WDFY3: variants seen among roughly 807,000 people sequenced by gnomAD.
The protein encoded by WDFY3 is WD repeat and FYVE domain containing 3, also known as WD repeat and FYVE domain-containing protein 3.
A neutral mutation model predicts 409.6 loss-of-function variants in WDFY3; 66 were observed. The ratio of observed to expected loss-of-function variants is 0.16; its 90% CI spans 0.13 to 0.20. The LOEUF (loss-of-function observed/expected upper bound fraction) is 0.20. WDFY3 is among the 10% of genes least tolerant of loss of function. WDFY3 has a pLI of 1.00. For missense variants in WDFY3, 3,031 were observed against 4,298.1 expected (o/e 0.71, Z 8.24); for synonymous variants, 1,521 against 1,537.1 (o/e 0.99, Z 0.25).
chr4:84,770,055 GTC>G (rs1026455624), intron 30 of WDFY3, among the ~76,000 whole-genome samples: 3 of 150,888 alleles, frequency 2.0e-5, no homozygotes, highest in Non-Finnish European at 4.4e-5. Flanking sequence ...TTGAGACGGA[GTC>G]TCACTCTGTC....
intron 2 of WDFY3, among the ~76,000 whole-genome samples, chr4:84,904,556 TAAG>T (rs1158028980): frequency 2.0e-5 from 3 of 152,140 alleles, no homozygotes; most frequent in East Asian, 1.9e-4. Context: ...AATAAATAAA[TAAG>T]AAAGCACGTT....
chr4:84,870,361 G>A (rs1301036583), intron 3 of WDFY3, among the ~76,000 whole-genome samples: 2 of 152,104 alleles, frequency 1.3e-5, no homozygotes, highest in Non-Finnish European at 2.9e-5. Context: ...CAGAAATCCA[G>A]AGTCACAGGT....
intron 64 of WDFY3, 121 bp downstream of exon 64, chr4:84,682,253 T>C (rs1360027390): frequency 5.0e-6 from 4 of 806,436 alleles, no homozygotes; most frequent in Admixed American, 2.8e-5. Context: ...GCAGCAACCA[T>C]GCTTCTCCAA....
At chr4:84,818,122 TAC>T (rs1414421798) in intron 12 of WDFY3, among the ~76,000 whole-genome samples, 1 of 152,180 alleles carries the variant, frequency 6.6e-6, no homozygotes, top group Non-Finnish European at 1.5e-5. Context: ...CCAAAGCCTT[TAC>T]ACAGATTGAC....
In WDFY3 at chr4:84,715,285, G is replaced by A. The variant is rs772424668; in HGVS notation, c.7961+13C>T. The stretch of plus-strand genomic sequence containing the variant: ...CCCATAATAGTATACAAAGTGTTCC[G>A]AATAAACAAGACCTTTGATAGACTT... On this transcript the variant is annotated intron_variant, in intron 50 of 67. Transcript: ENST00000295888. The A allele has an allele frequency of 1.2e-5, 18 of 1,529,570 alleles. 1 individual carries two copies. Among genetic ancestry groups the A allele is most frequent in the African/African-American group, 8.2e-5 (6 of 72,988 alleles). 94.7% of individuals were successfully genotyped at this position (1,529,570 alleles called of 1,614,324 possible).
At chr4:84,781,857 G>A (rs1746581616) in intron 25 of WDFY3, among the ~76,000 whole-genome samples, 1 of 152,116 alleles carries the variant, frequency 6.6e-6, no homozygotes, top group Non-Finnish European at 1.5e-5. Flanking sequence ...TACCAATGCT[G>A]TATTATCAAA....
chr4:84,780,435 G>A, intron 25 of WDFY3, 137 bp from the exon 26 acceptor site: 12 of 989,418 alleles, frequency 1.2e-5, no homozygotes, highest in Non-Finnish European at 1.7e-5. Context: ...AAATTCTAGG[G>A]AAAGCATTAA....
chr4:84,681,949 GTTAA>G (rs1320774484), intron 64 of WDFY3, among the ~76,000 whole-genome samples: 1 of 152,204 alleles, frequency 6.6e-6, no homozygotes, highest in African/African-American at 2.4e-5. Flanking sequence ...GTCTGCCTCT[GTTAA>G]TTGTTTACAA....
chr4:84,955,902 A>G (rs1774181858), intron 1 of WDFY3, among the ~76,000 whole-genome samples: 1 of 152,202 alleles, frequency 6.6e-6, no homozygotes, highest in Non-Finnish European at 1.5e-5. Flanking sequence ...TATAAAGTGA[A>G]ATTTATGTGT....
intron 5 of WDFY3, among the ~76,000 whole-genome samples, chr4:84,842,490 G>GT (rs1353440558): frequency 1.4e-5 from 2 of 138,248 alleles, no homozygotes; most frequent in Non-Finnish European, 3.1e-5. Context: ...AAAAAAAAAA[G>GT]AAGTAAGTCT....
chr4:84,880,589 C>T (rs377379954), intron 3 of WDFY3, among the ~76,000 whole-genome samples: 9 of 142,582 alleles, frequency 6.3e-5, no homozygotes, highest in East Asian at 2.1e-4. Context: ...TAGAAGGAGA[C>T]GTATAAAGTA....
At chr4:84,959,964 G>A (rs1372452061) in intron 1 of WDFY3, among the ~76,000 whole-genome samples, 1 of 152,190 alleles carries the variant, frequency 6.6e-6, no homozygotes, top group Non-Finnish European at 1.5e-5. Flanking sequence ...ATCTGGGGAT[G>A]AGTTCAAAGA....
intron 5 of WDFY3, among the ~76,000 whole-genome samples, chr4:84,848,910 G>A (rs571460426): frequency 4.6e-5 from 7 of 152,226 alleles, no homozygotes; most frequent in Admixed American, 2.6e-4. Context: ...GTATGATGTA[G>A]TGGAATTTGT....
At chr4:84,798,209 A>C in intron 17 of WDFY3, 101 bp from the exon 18 acceptor site, 1 of 1,023,492 alleles carries the variant, frequency 9.8e-7, no homozygotes, top group Non-Finnish European at 1.4e-6. Context: ...CAACAGACTA[A>C]TTACAATAAA....
intron 1 of WDFY3, among the ~76,000 whole-genome samples, chr4:84,947,779 GC>G (rs1481949335): frequency 6.6e-6 from 1 of 151,140 alleles, no homozygotes; most frequent in African/African-American, 2.4e-5. Context: ...CTACTCAGGG[GC>G]TTAAGGAGGG....
At chr4:84,861,604 T>C (rs1760643148) in intron 3 of WDFY3, among the ~76,000 whole-genome samples, 1 of 152,122 alleles carries the variant, frequency 6.6e-6, no homozygotes, top group African/African-American at 2.4e-5. Flanking sequence ...ATGATGAGCA[T>C]TTTTCAAAGA....
At chr4:84,809,374 T>A in intron 14 of WDFY3, 1 of 153,470 alleles carries the variant, frequency 6.5e-6, no homozygotes, top group Non-Finnish European at 1.4e-5. Flanking sequence ...TAAGTACTTA[T>A]TTCATGAAGG....
At chr4:84,894,749 G>A (rs1165236001) in intron 3 of WDFY3, among the ~76,000 whole-genome samples, 5 of 151,116 alleles carry the variant, frequency 3.3e-5, no homozygotes, top group South Asian at 2.1e-4. Flanking sequence ...CTGCGTCACC[G>A]CACTCCGGCC....
At chr4:84,761,320 G>A (rs1742554865) in intron 32 of WDFY3, among the ~76,000 whole-genome samples, 1 of 152,144 alleles carries the variant, frequency 6.6e-6, no homozygotes, top group Non-Finnish European at 1.5e-5. Context: ...TGTCTATTAG[G>A]TCTGCTTGGT....
Sources: gnomAD v4.1 joint callset for allele counts (sites outside exome capture counted in the v4.1 genomes callset) on GRCh38, gnomAD v4.1.1 for gene constraint, MANE v1.5 for transcripts, NCBI Gene and HGNC (gene_info 2026-07-23, HGNC 2026-07-21) for gene names.